TRHR: variants seen among roughly 807,000 people sequenced by gnomAD.
The protein encoded by TRHR is thyrotropin releasing hormone receptor.
Under a neutral mutation model 28.0 loss-of-function variants are expected in TRHR, and 14 were observed. That is an observed-to-expected ratio of 0.50 (90% CI 0.33 to 0.78). The LOEUF (loss-of-function observed/expected upper bound fraction) is 0.78. Ranked by LOEUF, TRHR falls within the 30% of genes least tolerant of loss-of-function variation. The pLI is 0.02. For synonymous variants in TRHR, 176 were observed against 171.9 expected (o/e 1.02, Z -0.18); for missense variants, 438 against 469.5 (o/e 0.93, Z 0.62).
rs575911404 is a variant in TRHR at position 109,106,378 on chromosome 8, A to G, written c.790-12670A>G. 4.6e-5 allele frequency among the ~76,000 whole-genome samples: 7 copies of G among 152,294 alleles called. No homozygotes were observed. In the South Asian group the frequency reaches 1.4e-3, roughly 32 times the overall value. ...GAGGCAAATCCCATTTTAGGTTGGT[A>G]TATATTAACATAGTGCCGATCAATA... On this transcript the variant is annotated intron_variant, in intron 2 of 2. Coordinates refer to ENST00000518632, the MANE Select transcript of TRHR (RefSeq NM_003301.7).
intron 2 of TRHR, among the ~76,000 whole-genome samples, chr8:109,114,861 T>C (rs886424251): frequency 2.0e-5 from 3 of 152,056 alleles, no homozygotes; most frequent in Non-Finnish European, 4.4e-5. Flanking sequence ...AGGTACATGA[T>C]TGCATTGCCA....
At chr8:109,094,705 G>A (rs1297948580) in intron 2 of TRHR, among the ~76,000 whole-genome samples, 4 of 149,690 alleles carry the variant, frequency 2.7e-5, no homozygotes, top group Non-Finnish European at 5.9e-5. Context: ...TTTTATATTT[G>A]CATGTTGCAA....
chr8:109,107,801 G>A (rs1033824417), intron 2 of TRHR, among the ~76,000 whole-genome samples: 6 of 152,114 alleles, frequency 3.9e-5, no homozygotes, highest in Non-Finnish European at 8.8e-5. Flanking sequence ...GTGTTTTTAT[G>A]TTCTCCTTGT....
rs747217985 is a variant in TRHR at position 109,088,070 on chromosome 8, T to C, written c.558T>C (p.Asn186=). Residue 186 remains asparagine, a synonymous_variant, in exon 2 of 3, where the codon AAT becomes AAC. Coordinates refer to ENST00000518632, the MANE Select transcript of TRHR (RefSeq NM_003301.7). ...CCTGTGGCTACAAGATCTCCAGGAA[T>C]TACTACTCACCTATTTACCTAATGG... ...VISCGYKISR[N]YYSPIYLMDF... is the part of the protein sequence containing the mutation. 3 of 1,614,198 alleles carry C rather than the reference T, an allele frequency of 1.9e-6. No homozygotes were observed. In the South Asian group the frequency reaches 3.3e-5, roughly 18 times the overall value.
At chr8:109,117,220 TCA>T (rs1811934829) in intron 2 of TRHR, among the ~76,000 whole-genome samples, 1 of 151,930 alleles carries the variant, frequency 6.6e-6, no homozygotes, top group Non-Finnish European at 1.5e-5. Context: ...CAAGAAACAT[TCA>T]TGGAAAGGGC....
chr8:109,087,443 A>G lies in TRHR; in HGVS notation c.-70A>G. On this transcript the variant is annotated 5_prime_UTR_variant, in exon 2 of 3. Transcript: ENST00000518632. ...TTCACAGGGGGATGGAACTGCTGCA[A>G]TAAAGGTGGGCGCTGGAAAGAAGAT... 2 of 1,562,774 alleles carry G rather than the reference A, an allele frequency of 1.3e-6. No individual in the cohort carries two copies. The highest frequency in any genetic ancestry group is 1.8e-6 in the Non-Finnish European group (2 of 1,139,878).
At chr8:109,092,422 ATT>A (rs1491413923) in intron 2 of TRHR, among the ~76,000 whole-genome samples, 2 of 150,244 alleles carry the variant, frequency 1.3e-5, no homozygotes, top group African/African-American at 2.4e-5. Flanking sequence ...TTATTTATTT[ATT>A]TTTATTTTAT....
chr8:109,104,326 A>G (rs1563624607), intron 2 of TRHR, among the ~76,000 whole-genome samples: 1 of 152,170 alleles, frequency 6.6e-6, no homozygotes, highest in Non-Finnish European at 1.5e-5. Context: ...GACAACTTGA[A>G]AAATGATGAT....
intron 2 of TRHR, among the ~76,000 whole-genome samples, chr8:109,105,511 T>C (rs1811736574): frequency 6.6e-6 from 1 of 152,126 alleles, no homozygotes; most frequent in Non-Finnish European, 1.5e-5. Context: ...TGAACAAATA[T>C]GACAAACATT....
intron 2 of TRHR, among the ~76,000 whole-genome samples, chr8:109,105,033 G>T (rs975096567): frequency 7.2e-5 from 11 of 152,194 alleles, no homozygotes; most frequent in South Asian, 4.2e-4. Context: ...TGTCCCATTT[G>T]CATATGTGTC....
At chr8:109,102,391 C>T (rs538831731) in intron 2 of TRHR, among the ~76,000 whole-genome samples, 3 of 152,236 alleles carry the variant, frequency 2.0e-5, no homozygotes, top group African/African-American at 7.2e-5. Context: ...TAGGATAGGG[C>T]TCATCCTTCT....
intron 2 of TRHR, among the ~76,000 whole-genome samples, chr8:109,093,252 C>T (rs192418004): frequency 2.6e-5 from 4 of 151,982 alleles, no homozygotes; most frequent in South Asian, 2.1e-4. Context: ...ATCCCCACCT[C>T]GCTGGGCACC....
Position 109,087,406 on chromosome 8 carries a change from G to A in TRHR, c.-88-19G>A. On this transcript the variant is annotated intron_variant, in intron 1 of 2. Transcript: ENST00000518632. ...AAATTGTAACACTGTTAATGAATAT[G>A]TACTATGACCCTTCACAGGGGGATG... 1.7e-6 allele frequency: 2 copies of A among 1,178,596 alleles called. No homozygotes were observed. Among genetic ancestry groups the A allele is most frequent in the Non-Finnish European group, 2.5e-6 (2 of 810,760 alleles). 73.0% of individuals were successfully genotyped at this position (1,178,596 alleles called of 1,614,324 possible). A position where few individuals can be genotyped will look rare whatever the true frequency, so the allele number is the denominator to read the frequency against.
intron 2 of TRHR, among the ~76,000 whole-genome samples, chr8:109,098,842 T>C (rs1811635288): frequency 6.6e-6 from 1 of 152,176 alleles, no homozygotes; most frequent in Non-Finnish European, 1.5e-5. Flanking sequence ...GTTTGGTGTT[T>C]CTCCCTTCCC....
chr8:109,118,884 C>G (rs990242408), intron 2 of TRHR, among the ~76,000 whole-genome samples, 164 bp from the exon 3 acceptor site: 1 of 151,802 alleles, frequency 6.6e-6, no homozygotes, highest in African/African-American at 2.4e-5. Flanking sequence ...TAATTGATAA[C>G]CCTTAATCCT....
At chr8:109,096,070 C>A (rs1411243047) in intron 2 of TRHR, among the ~76,000 whole-genome samples, 1 of 152,174 alleles carries the variant, frequency 6.6e-6, no homozygotes, top group Middle Eastern at 3.2e-3. Context: ...AATTTTTACA[C>A]TCCCCTGAGC....
At chr8:109,112,278 A>T (rs1811846105) in intron 2 of TRHR, among the ~76,000 whole-genome samples, 1 of 152,126 alleles carries the variant, frequency 6.6e-6, no homozygotes, top group South Asian at 2.1e-4. Flanking sequence ...AAAATTCAGA[A>T]TTTTTTCTGA....
intron 2 of TRHR, among the ~76,000 whole-genome samples, chr8:109,093,250 C>A (rs997608435): frequency 6.6e-5 from 10 of 151,858 alleles, no homozygotes; most frequent in African/African-American, 2.4e-4. Context: ...TGATCCCCAC[C>A]TCGCTGGGCA....
chr8:109,090,271 C>G (rs1586184047), intron 2 of TRHR, among the ~76,000 whole-genome samples: 1 of 152,202 alleles, frequency 6.6e-6, no homozygotes, highest in African/African-American at 2.4e-5. Flanking sequence ...TTAACTGGCT[C>G]CTTCTCAATT....
Sources: allele counts gnomAD v4.1 joint callset (sites outside exome capture counted in the v4.1 genomes callset), GRCh38; gene constraint gnomAD v4.1.1; transcripts MANE v1.5; gene names NCBI Gene and HGNC (gene_info 2026-07-23, HGNC 2026-07-21).